The following MME variants were observed in gnomAD, a reference collection of about 807,000 sequenced individuals.
MME encodes neprilysin.
In MME, 98 loss-of-function variants were observed where a neutral mutation model predicts 113.2. The ratio of observed to expected loss-of-function variants is 0.87; its 90% CI spans 0.74 to 1.02. MME has a LOEUF of 1.02. Among genes scored for constraint, MME ranks in the 50% least tolerant of loss-of-function variants. The pLI is 0.00. For synonymous variants in MME, 292 were observed against 300.6 expected, an observed-to-expected ratio of 0.97 and a Z score of 0.30; for missense variants, 836 against 896.0, an observed-to-expected ratio of 0.93 and a Z score of 0.86.
chr3:155,173,876 C>T (rs540750249), intron 22 of MME, among the ~76,000 whole-genome samples: 1 of 152,074 alleles, frequency 6.6e-6, no homozygotes, highest in South Asian at 2.1e-4. Flanking sequence ...CATGGCTTCA[C>T]CATTTACTAG....
chr3:155,032,959 G>A (rs1170478768), intron 1 of MME, among the ~76,000 whole-genome samples: 1 of 152,138 alleles, frequency 6.6e-6, no homozygotes, highest in Non-Finnish European at 1.5e-5. Flanking sequence ...AGCTGAGGTG[G>A]TCTTTTTCTT....
chr3:155,070,996 A>G (rs1373723111), intron 1 of MME, among the ~76,000 whole-genome samples: 2 of 152,172 alleles, frequency 1.3e-5, no homozygotes. Context: ...TCCACAGGAA[A>G]TGCATCAGAG....
At chr3:155,085,757 C>T (rs1715647269) in intron 3 of MME, 1 of 152,452 alleles carries the variant, frequency 6.6e-6, no homozygotes, top group Non-Finnish European at 1.5e-5. Context: ...TTTCGAACTC[C>T]TGCCCTCAGG....
At chr3:155,084,375 A>G (rs368798481) in intron 2 of MME, 48 bp downstream of exon 2, 2 of 1,590,714 alleles carry the variant, frequency 1.3e-6, no homozygotes, top group East Asian at 2.2e-5. Context: ...AAGAGAAGGA[A>G]ATCTTCCTCC....
intron 3 of MME, among the ~76,000 whole-genome samples, chr3:155,107,014 T>C (rs900126599): frequency 1.5e-4 from 23 of 152,216 alleles, no homozygotes; most frequent in African/African-American, 5.1e-4. Flanking sequence ...GAAAACAGCT[T>C]TGTTCATATA....
chr3:155,028,392 A>G lies in MME; in HGVS notation c.-11+4068A>G, dbSNP rs187300794. On this transcript the variant is annotated intron_variant, in intron 1 of 22. Transcript: ENST00000492661. ...GAGCCAGCCATGTAATAATCTGGGA[A>G]TAGAGAGGACAGTTAGGGTAAAGCC... Among the ~76,000 whole-genome samples the G allele has an allele frequency of 2.9e-3, 442 of 152,326 alleles. 9 individuals carry two copies. Among genetic ancestry groups the G allele is most frequent in the Non-Finnish European group, 1.4e-3 (95 of 68,040 alleles).
chr3:155,080,394 T>TG lies in MME; in HGVS notation c.-82dup, dbSNP rs772688175. The TG allele has an allele frequency of 1.3e-5, 2 of 152,336 alleles. No individual in the cohort carries two copies. Among genetic ancestry groups the TG allele is most frequent in the Non-Finnish European group, 2.9e-5 (2 of 68,148 alleles). 9.4% of individuals were successfully genotyped at this position (152,336 alleles called of 1,614,324 possible). On this transcript the variant is annotated 5_prime_UTR_variant, in exon 1 of 23. The change abolishes the stop of an existing upstream ORF in the 5' untranslated region. Transcript: ENST00000360490. ...CCGCGCTACCAGATTGCACCGGGGC[T>TG]GATTTGGGGGCTGGGAATTTGCCAT...
chr3:155,116,942 T>C lies in MME; in HGVS notation c.610T>C (p.Phe204Leu), dbSNP rs1485651152. ...TGGGAAAAAAGTCCTTATTAATTTG[T>C]TTGTTGGCACTGATGATAAGAATTC... The part of the protein sequence containing the change: ...KYGKKVLINL[F>L]VGTDDKNSVN... The change falls in exon 7 of 23, where the codon TTT becomes CTT. Residue 204 changes from phenylalanine to leucine, a missense_variant. Coordinates refer to ENST00000360490, the MANE Select transcript of MME (RefSeq NM_007289.4). 1.2e-6 allele frequency: 2 copies of C among 1,610,090 alleles called. No homozygotes were observed. Among genetic ancestry groups the C allele is most frequent in the Non-Finnish European group, 1.7e-6 (2 of 1,176,778 alleles).
rs112680822 is a variant in MME at position 155,082,650 on chromosome 3, G to C, written c.-10-1508G>C. 3.8e-3 allele frequency among the ~76,000 whole-genome samples: 572 copies of C among 152,230 alleles called. 2 individuals are homozygous for C. Among genetic ancestry groups the C allele is most frequent in the African/African-American group, 0.013 (548 of 41,552 alleles). ...ATTTAGCAGACACGGTTTTCATTGT[G>C]TAATAAAATATTTTTATTTGATAGT... On this transcript the variant is annotated intron_variant, in intron 1 of 22. Coordinates refer to ENST00000360490, the MANE Select transcript of MME (RefSeq NM_007289.4).
intron 8 of MME, among the ~76,000 whole-genome samples, chr3:155,125,125 G>A (rs1260043874): frequency 3.6e-5 from 3 of 82,258 alleles, no homozygotes; most frequent in Non-Finnish European, 8.8e-5. Context: ...CTCGTGGTGC[G>A]CCGTTTTTAA....
At chr3:155,150,413 A>G (rs961129871) in intron 16 of MME, among the ~76,000 whole-genome samples, 1 of 152,194 alleles carries the variant, frequency 6.6e-6, no homozygotes, top group Admixed American at 6.5e-5. Flanking sequence ...TAATGAATGA[A>G]TGGTCAATAG....
At chr3:155,126,096 G>C (rs758570207) in intron 8 of MME, among the ~76,000 whole-genome samples, 6 of 152,032 alleles carry the variant, frequency 3.9e-5, no homozygotes, top group Non-Finnish European at 7.4e-5. Context: ...ATCATCAAAG[G>C]CCACAATTAA....
chr3:155,085,109 T>C lies in MME; in HGVS notation c.196+15T>C. On this transcript the variant is annotated intron_variant, in intron 3 of 22. Coordinates refer to ENST00000360490, the MANE Select transcript of MME (RefSeq NM_007289.4). ...CATAAAATCAGGTAAGAAATGGTTT[T>C]TACGTGTAATAGTTATACAACTGAT... 5 of 1,536,230 alleles carry C rather than the reference T, an allele frequency of 3.3e-6. No individual in the cohort carries two copies. In the South Asian group the frequency reaches 3.5e-5, roughly 11 times the overall value.
rs73012359 is a variant in MME, at chr3:155,169,235, A to C, written c.1980+438A>C. 2.6e-3 allele frequency among the ~76,000 whole-genome samples: 403 copies of C among 152,246 alleles called. 2 individuals are homozygous for C. The highest frequency in any genetic ancestry group is 9.3e-3 in the African/African-American group (386 of 41,556). ...CATTTGGGAACAAAAATCAATGTAA[A>C]CCACAGGCATATTAAACCATAGTTC... On this transcript the variant is annotated intron_variant, in intron 20 of 22. Coordinates refer to ENST00000360490, the MANE Select transcript of MME (RefSeq NM_007289.4).
chr3:155,125,353 T>C (rs1274509048), intron 8 of MME, among the ~76,000 whole-genome samples: 2 of 142,640 alleles, frequency 1.4e-5, no homozygotes, highest in African/African-American at 2.5e-5. Flanking sequence ...GTACCTCAGA[T>C]GGAAATGCGG....
intron 20 of MME, among the ~76,000 whole-genome samples, chr3:155,171,707 C>CT (rs1711991650): frequency 6.6e-6 from 1 of 152,112 alleles, no homozygotes; most frequent in Admixed American, 6.6e-5. Flanking sequence ...TCTGGTGAGT[C>CT]TATTTTGCTA....
chr3:155,115,661 G>T (rs993392862), intron 4 of MME, among the ~76,000 whole-genome samples: 7 of 152,140 alleles, frequency 4.6e-5, no homozygotes, highest in African/African-American at 1.7e-4. Flanking sequence ...ACTGACCTCA[G>T]GTGATCCACC....
rs572914999 is a variant in MME, at chr3:155,061,927, C to T, written c.-10-22231C>T. ...CTGTCCGCCTCAGCCTCCCAAAGTG[C>T]TGGGATTACAGGCGTGAGCCACCGT... On this transcript the variant is annotated intron_variant, in intron 1 of 22. Transcript: ENST00000492661. 8.5e-5 allele frequency among the ~76,000 whole-genome samples: 13 copies of T among 152,324 alleles called. No individual in the cohort carries two copies. In the East Asian group the frequency reaches 2.5e-3, roughly 29 times the overall value.
chr3:155,104,279 A>G (rs1358303313), intron 3 of MME, among the ~76,000 whole-genome samples: 2 of 152,084 alleles, frequency 1.3e-5, no homozygotes, highest in Non-Finnish European at 2.9e-5. Context: ...TCTTTTGGAG[A>G]AAGCCAATGA....
Sources: allele counts gnomAD v4.1 joint callset (sites outside exome capture counted in the v4.1 genomes callset), GRCh38; gene constraint gnomAD v4.1.1; transcripts MANE v1.5; gene names NCBI Gene and HGNC (gene_info 2026-07-23, HGNC 2026-07-21).